RASGRF1: variants seen among roughly 807,000 people sequenced by gnomAD.
RASGRF1 encodes ras-specific guanine nucleotide-releasing factor 1.
Under a neutral mutation model 138.7 loss-of-function variants are expected in RASGRF1, and 40 were observed. That is an observed-to-expected ratio of 0.29 (90% CI 0.22 to 0.38). The LOEUF (loss-of-function observed/expected upper bound fraction) is 0.38. Ranked by LOEUF, RASGRF1 falls within the 10% of genes least tolerant of loss-of-function variation. The probability of loss-of-function intolerance (pLI) is 1.00; values close to 1 mark genes in which losing one functional copy is unlikely to be tolerated. For synonymous variants in RASGRF1, 614 were observed against 663.2 expected (o/e 0.93, Z 1.14); for missense variants, 1,108 against 1,650.4 (o/e 0.67, Z 5.69).
intron 1 of RASGRF1, among the ~76,000 whole-genome samples, chr15:79,070,232 T>C (rs937322852): frequency 1.3e-5 from 2 of 152,192 alleles, no homozygotes; most frequent in Non-Finnish European, 2.9e-5. Context: ...CACATGGAAG[T>C]CTCAGGGTTG....
chr15:79,082,854 G>A (rs1309577540), intron 1 of RASGRF1, among the ~76,000 whole-genome samples: 1 of 152,194 alleles, frequency 6.6e-6, no homozygotes, highest in African/African-American at 2.4e-5. Flanking sequence ...AGGGCTCAGT[G>A]TTGGCTTGCT....
intron 5 of RASGRF1, 90 bp from the exon 6 acceptor site, chr15:79,035,300 C>A (rs2057203429): frequency 2.0e-6 from 2 of 1,022,466 alleles, no homozygotes; most frequent in African/African-American, 3.2e-5. Context: ...GTGACTTCAG[C>A]AGCGAACCCT....
At chr15:79,048,399 C>A (rs142709531) in intron 4 of RASGRF1, among the ~76,000 whole-genome samples, 110 of 152,284 alleles carry the variant, frequency 7.2e-4, no homozygotes, top group African/African-American at 2.5e-3. Context: ...GCTTGGCCGC[C>A]AGGGTTTGAA....
At chr15:79,040,643 G>A (rs1275023704) in intron 5 of RASGRF1, among the ~76,000 whole-genome samples, 1 of 114,116 alleles carries the variant, frequency 8.8e-6, no homozygotes, top group Non-Finnish European at 1.9e-5. Context: ...CAGAGCGAGA[G>A]CGAGAGCTAG....
At chr15:79,037,320 T>C (rs2057235917) in intron 5 of RASGRF1, among the ~76,000 whole-genome samples, 1 of 151,958 alleles carries the variant, frequency 6.6e-6, no homozygotes, top group Non-Finnish European at 1.5e-5. Context: ...CCCAATCTTT[T>C]TGGCACCAGG....
At chr15:78,993,231 G>GAT (rs2141666214) in intron 20 of RASGRF1, among the ~76,000 whole-genome samples, 1 of 121,192 alleles carries the variant, frequency 8.3e-6, no homozygotes, top group East Asian at 2.3e-4. Flanking sequence ...CTGTGTGGGT[G>GAT]ATGTGTGTGT....
intron 12 of RASGRF1, among the ~76,000 whole-genome samples, chr15:79,016,940 T>G (rs2056887043): frequency 6.6e-6 from 1 of 152,200 alleles, no homozygotes; most frequent in Non-Finnish European, 1.5e-5. Context: ...CCTCCCCTTC[T>G]GCTGTTGGCT....
In RASGRF1 at chr15:79,065,908, TG is replaced by T. The variant is rs765887209; in HGVS notation, c.277-1383del. Among the ~76,000 whole-genome samples, 6 of 101,342 alleles carry T rather than the reference TG, an allele frequency of 5.9e-5. No homozygotes were observed. The East Asian group carries it at 8.7e-4, about 15-fold the overall frequency. 66.5% of individuals were successfully genotyped at this position (101,342 alleles called of 152,430 possible). On this transcript the variant is annotated intron_variant, in intron 1 of 26. Coordinates refer to ENST00000558480, the MANE Select transcript of RASGRF1 (RefSeq NM_001145648.3). ...AGGTGGCAGCCGGGTGTATGTGAAG[TG>T]GGGGGCGGGGGGAATGAGTATGGCA...
At chr15:79,022,634 T>C (rs1300807464) in intron 10 of RASGRF1, among the ~76,000 whole-genome samples, 1 of 152,180 alleles carries the variant, frequency 6.6e-6, no homozygotes, top group Non-Finnish European at 1.5e-5. Flanking sequence ...AGAGATCTTA[T>C]CAGTAGAAAC....
At chr15:79,012,831 T>C (rs2056821840) in intron 13 of RASGRF1, among the ~76,000 whole-genome samples, 1 of 152,126 alleles carries the variant, frequency 6.6e-6, no homozygotes, top group African/African-American at 2.4e-5. Context: ...TACAGGCGCA[T>C]GCCACCAGGC....
rs763430620 is a variant in RASGRF1 at position 79,058,364 on chromosome 15, C to G, written c.501G>C (p.Gly167=). ...CCTTCAGCCGCTCGATCTCGATCTC[C>G]CCATCCTCGATCTGCTGCCGAAGCT... ...AKQLRQQIED[G]EIEIERLKAE... Residue 167 remains glycine (G), a synonymous_variant, in exon 3 of 27, where the codon GGG becomes GGC. Transcript: ENST00000558480. 1.9e-6 allele frequency: 3 copies of G among 1,613,944 alleles called. No individual in the cohort carries two copies. In the African/African-American group the frequency reaches 4.0e-5, roughly 22 times the overall value.
chr15:78,994,879 T>A (rs1290439148), intron 20 of RASGRF1, among the ~76,000 whole-genome samples: 2 of 150,706 alleles, frequency 1.3e-5, no homozygotes, highest in African/African-American at 4.9e-5. Context: ...ATACCACCAC[T>A]GGGGCCTCCC....
At chr15:79,083,125 G>A (rs1380193895) in intron 1 of RASGRF1, among the ~76,000 whole-genome samples, 9 of 152,188 alleles carry the variant, frequency 5.9e-5, no homozygotes, top group Admixed American at 4.6e-4. Context: ...CCATGGCTGC[G>A]AATTCTCAAT....
chr15:79,041,757 C>G (rs1229581115), intron 5 of RASGRF1, among the ~76,000 whole-genome samples: 2 of 152,172 alleles, frequency 1.3e-5, no homozygotes, highest in East Asian at 3.8e-4. Context: ...AGAACCAGGC[C>G]CCCTCACTCT....
At chr15:79,042,922 A>C (rs1202856211) in intron 5 of RASGRF1, among the ~76,000 whole-genome samples, 1 of 152,252 alleles carries the variant, frequency 6.6e-6, no homozygotes, top group African/African-American at 2.4e-5. Context: ...ATAGAGCTTA[A>C]GAGAGTGAAG....
At chr15:79,010,139 C>T (rs1185181692) in intron 13 of RASGRF1, among the ~76,000 whole-genome samples, 2 of 147,684 alleles carry the variant, frequency 1.4e-5, no homozygotes, top group Non-Finnish European at 3.0e-5. Flanking sequence ...CGGGCTCAAG[C>T]GATTCTCCTG....
Position 79,003,783 on chromosome 15 carries a change from C to T in RASGRF1, c.2449+19G>A, listed in dbSNP as rs751640171. 114 of 1,565,034 alleles carry T rather than the reference C, an allele frequency of 7.3e-5. 1 individual carries two copies. The South Asian group carries it at 1.1e-3, about 15-fold the overall frequency. ...GGGCTGGGAGGCTGGGGGGCAGCTC[C>T]GACGGCATGGCCACTCACTCTGCTT... On this transcript the variant is annotated intron_variant, in intron 15 of 26. Coordinates refer to ENST00000558480, the MANE Select transcript of RASGRF1 (RefSeq NM_001145648.3).
chr15:79,034,530 A>C (rs549518966), intron 6 of RASGRF1, among the ~76,000 whole-genome samples: 13 of 152,238 alleles, frequency 8.5e-5, no homozygotes, highest in African/African-American at 3.1e-4. Context: ...GATTACTTCT[A>C]ACAATAAAAA....
At chr15:78,974,487 C>CT (rs749693942) in intron 24 of RASGRF1, among the ~76,000 whole-genome samples, 2 of 152,232 alleles carry the variant, frequency 1.3e-5, no homozygotes, top group Non-Finnish European at 2.9e-5. Context: ...TAGGCCAGGT[C>CT]TTTCCCTCTC....
Sources: gnomAD v4.1 joint callset for allele counts (sites outside exome capture counted in the v4.1 genomes callset) on GRCh38, gnomAD v4.1.1 for gene constraint, MANE v1.5 for transcripts, NCBI Gene and HGNC (gene_info 2026-07-23, HGNC 2026-07-21) for gene names.